The following SENP1 variants were observed in gnomAD, a reference collection of about 807,000 sequenced individuals.
The protein encoded by SENP1 is sentrin-specific protease 1.
A neutral mutation model predicts 93.0 loss-of-function variants in SENP1; 21 were observed. The observed-to-expected ratio is 0.23, with a 90% CI of 0.16 to 0.33. SENP1 has a LOEUF of 0.33. Ranked by LOEUF, SENP1 falls within the 10% of genes least tolerant of loss-of-function variation. The pLI is 1.00. For synonymous variants in SENP1, 256 were observed against 259.6 expected, an observed-to-expected ratio of 0.99 and a Z score of 0.13; for missense variants, 591 against 758.7, an observed-to-expected ratio of 0.78 and a Z score of 2.60.
At chr12:48,099,730 G>A (rs1216785008) in intron 2 of SENP1, among the ~76,000 whole-genome samples, 1 of 151,990 alleles carries the variant, frequency 6.6e-6, no homozygotes, top group East Asian at 1.9e-4. Context: ...AGAATCGCTT[G>A]AACCCAAGGC....
chr12:48,056,911 CAT>C lies in SENP1; in HGVS notation c.1407+6797_1407+6798del, dbSNP rs1243251467. ...ATATTATTTAATATATTACATATTA[CAT>C]ATATAATATATTATTTAATATATTA... On this transcript the variant is annotated intron_variant, in intron 13 of 17. Transcript: ENST00000549518. 4.3e-5 allele frequency among the ~76,000 whole-genome samples: 2 copies of C among 46,278 alleles called. 1 individual carries two copies. The highest frequency in any genetic ancestry group is 6.1e-5 in the Non-Finnish European group (2 of 32,584). 30.4% of individuals were successfully genotyped at this position (46,278 alleles called of 152,430 possible).
intron 9 of SENP1, among the ~76,000 whole-genome samples, chr12:48,070,982 G>A (rs1379276890): frequency 6.6e-6 from 1 of 152,172 alleles, no homozygotes; most frequent in East Asian, 1.9e-4. Context: ...TGTGGTCCCA[G>A]CTGAGGCAAG....
intron 1 of SENP1, among the ~76,000 whole-genome samples, chr12:48,102,784 C>A (rs1390352767): frequency 6.9e-6 from 1 of 145,262 alleles, no homozygotes; most frequent in Non-Finnish European, 1.5e-5. Context: ...GCACTCCAGC[C>A]TGGGCGACAG....
chr12:48,088,629 C>T, intron 5 of SENP1, 172 bp downstream of exon 5: 2 of 629,732 alleles, frequency 3.2e-6, no homozygotes, highest in Non-Finnish European at 5.5e-6. Context: ...AAATTCAGCA[C>T]TAAGTAAATG....
At chr12:48,065,034 G>C (rs1384267261) in intron 12 of SENP1, 31 bp downstream of exon 12, 1 of 1,416,810 alleles carries the variant, frequency 7.1e-7, no homozygotes, top group African/African-American at 1.4e-5. Flanking sequence ...ATGATACTTA[G>C]TAGTGTAGAA....
intron 5 of SENP1, chr12:48,085,363 C>G: frequency 7.2e-7 from 1 of 1,395,258 alleles, no homozygotes; most frequent in Non-Finnish European, 1.0e-6. Context: ...TATGAGGACG[C>G]CAAGGACTCC....
chr12:48,105,711 T>C (rs1277286679), intron 1 of SENP1: 7 of 490,576 alleles, frequency 1.4e-5, no homozygotes, highest in Non-Finnish European at 2.2e-5. Context: ...AACCGGCCTT[T>C]CCCCAAGTAC....
intron 9 of SENP1, among the ~76,000 whole-genome samples, chr12:48,071,454 A>G (rs1466592193): frequency 6.6e-6 from 1 of 152,094 alleles, no homozygotes. Context: ...CATCTCTACT[A>G]AAAATACAAA....
At position 48,063,692 on chromosome 12, in the gene SENP1, A is replaced by T; in HGVS notation, c.1407+18T>A. ...CTTAATGTTTACTATTTGTATGTAA[A>T]AATAGATGCAACATTACCTCATCAT... On this transcript the variant is annotated intron_variant, in intron 13 of 17. Coordinates refer to ENST00000549518, the MANE Select transcript of SENP1 (RefSeq NM_001267594.2). The T allele has an allele frequency of 6.2e-7, 1 of 1,600,266 alleles. No individual in the cohort carries two copies. Among genetic ancestry groups the T allele is most frequent in the Non-Finnish European group, 8.5e-7 (1 of 1,172,376 alleles).
chr12:48,054,342 C>A (rs928158912), intron 13 of SENP1, among the ~76,000 whole-genome samples: 4 of 152,174 alleles, frequency 2.6e-5, no homozygotes, highest in African/African-American at 9.7e-5. Flanking sequence ...GATGAACTGA[C>A]CCCTTTATCA....
intron 13 of SENP1, among the ~76,000 whole-genome samples, chr12:48,057,561 T>C: frequency 1.0e-5 from 1 of 100,326 alleles, no homozygotes; most frequent in East Asian, 3.9e-4. Flanking sequence ...TAAAAATATA[T>C]TATTTATATA....
At chr12:48,090,061 T>C (rs1335784515) in intron 4 of SENP1, among the ~76,000 whole-genome samples, 3 of 152,228 alleles carry the variant, frequency 2.0e-5, no homozygotes, top group Non-Finnish European at 2.9e-5. Context: ...TATTAGCACT[T>C]GTTAATTCAA....
At chr12:48,093,345 G>A (rs562976334) in intron 4 of SENP1, among the ~76,000 whole-genome samples, 31 of 148,454 alleles carry the variant, frequency 2.1e-4, no homozygotes, top group East Asian at 2.0e-4. Context: ...GTGCAGTGGC[G>A]CGATCTCCGC....
chr12:48,058,462 C>T (rs1942737341), intron 13 of SENP1, among the ~76,000 whole-genome samples: 1 of 151,798 alleles, frequency 6.6e-6, no homozygotes, highest in Non-Finnish European at 1.5e-5. Flanking sequence ...TCCATTTTGC[C>T]TCCATTATTG....
intron 13 of SENP1, among the ~76,000 whole-genome samples, chr12:48,049,552 G>A (rs1237738685): frequency 6.6e-6 from 1 of 152,180 alleles, no homozygotes; most frequent in African/African-American, 2.4e-5. Context: ...TAGATACTGA[G>A]CTCAGTTAGC....
intron 1 of SENP1, among the ~76,000 whole-genome samples, chr12:48,103,016 G>A (rs990329218): frequency 6.6e-6 from 1 of 152,032 alleles, no homozygotes; most frequent in East Asian, 1.9e-4. Context: ...TTCTTTAATA[G>A]AGTAGACTCC....
At chr12:48,055,940 T>C (rs1942231055) in intron 13 of SENP1, among the ~76,000 whole-genome samples, 1 of 136,842 alleles carries the variant, frequency 7.3e-6, no homozygotes, top group Non-Finnish European at 1.5e-5. Context: ...ATATATAACA[T>C]ATATTAATAA....
chr12:48,049,007 A>T lies in SENP1; in HGVS notation c.1533T>A (p.Arg511=), dbSNP rs894349150. ...AAAATACATCTACTTTCTTTGTCCA[A>T]CGTTTCACTGCCTGATAACCAGCCG... The part of the protein sequence containing the change: ...LKTAGYQAVK[R]WTKKVDVFSV... The change falls in exon 14 of 18, where the codon CGT becomes CGA. Residue 511 remains arginine (R), a synonymous_variant. Coordinates refer to ENST00000549518, the MANE Select transcript of SENP1 (RefSeq NM_001267594.2). 9 of 1,613,690 alleles carry T rather than the reference A, an allele frequency of 5.6e-6. No individual in the cohort carries two copies. Among genetic ancestry groups the T allele is most frequent in the African/African-American group, 5.3e-5 (4 of 74,912 alleles).
chr12:48,100,421 A>C (rs1482378997), intron 2 of SENP1, among the ~76,000 whole-genome samples: 2 of 152,220 alleles, frequency 1.3e-5, no homozygotes, highest in African/African-American at 4.8e-5. Context: ...ACGTGAGGTC[A>C]GGAGTTCAAG....
Sources: allele counts gnomAD v4.1 joint callset (sites outside exome capture counted in the v4.1 genomes callset), GRCh38; gene constraint gnomAD v4.1.1; transcripts MANE v1.5; gene names NCBI Gene and HGNC (gene_info 2026-07-23, HGNC 2026-07-21).